The following CDH4 variants were observed in gnomAD, a reference collection of about 807,000 sequenced individuals.
The protein encoded by CDH4 is cadherin 4, also known as cadherin-4.
A neutral mutation model predicts 86.0 loss-of-function variants in CDH4; 33 were observed. The observed-to-expected ratio is 0.38, with a 90% CI of 0.29 to 0.51. The LOEUF is 0.51. Ranked by LOEUF, CDH4 falls within the 20% of genes least tolerant of loss-of-function variation. The probability of loss-of-function intolerance (pLI) is 0.86; values close to 1 mark genes in which losing one functional copy is unlikely to be tolerated. For missense variants in CDH4, 1,114 were observed against 1,307.4 expected, an observed-to-expected ratio of 0.85 and a Z score of 2.28; for synonymous variants, 555 against 549.4, an observed-to-expected ratio of 1.01 and a Z score of -0.14.
intron 2 of CDH4, among the ~76,000 whole-genome samples, chr20:61,351,676 AC>A (rs1278079277): frequency 6.6e-6 from 1 of 152,106 alleles, no homozygotes; most frequent in Non-Finnish European, 1.5e-5. Flanking sequence ...CCTTTGTGTA[AC>A]AAACTAATCC....
intron 2 of CDH4, among the ~76,000 whole-genome samples, chr20:61,697,154 G>T (rs1392360601): frequency 6.6e-6 from 1 of 152,168 alleles, no homozygotes; most frequent in Non-Finnish European, 1.5e-5. Context: ...CAAACATTCG[G>T]ATGTGCGGAT....
At chr20:61,357,971 G>A (rs534131059) in intron 2 of CDH4, among the ~76,000 whole-genome samples, 32 of 152,190 alleles carry the variant, frequency 2.1e-4, no homozygotes, top group African/African-American at 7.2e-4. Context: ...AGGGCGTGGC[G>A]GGGAGAACGA....
chr20:61,447,750 C>T (rs7261827), intron 2 of CDH4, among the ~76,000 whole-genome samples: 3,021 of 151,150 alleles, frequency 0.02, 94 homozygotes, highest in African/African-American at 0.069. Context: ...ATGGCGAGGA[C>T]GAGAATGTCA....
chr20:61,352,504 C>T (rs186812673), intron 2 of CDH4, among the ~76,000 whole-genome samples: 2 of 152,180 alleles, frequency 1.3e-5, no homozygotes, highest in South Asian at 2.1e-4. Context: ...TGCCTGCCAG[C>T]GGGGTGTGAG....
At chr20:61,907,365 C>G (rs1385698861) in intron 8 of CDH4, among the ~76,000 whole-genome samples, 1 of 151,922 alleles carries the variant, frequency 6.6e-6, no homozygotes, top group Non-Finnish European at 1.5e-5. Flanking sequence ...GCCCAGGATC[C>G]CGTGTGGCCA....
At chr20:61,556,658 G>A (rs2086179757) in intron 2 of CDH4, among the ~76,000 whole-genome samples, 1 of 152,164 alleles carries the variant, frequency 6.6e-6, no homozygotes, top group Non-Finnish European at 1.5e-5. Flanking sequence ...TGCAACTTAT[G>A]CATCAAAATC....
intron 2 of CDH4, among the ~76,000 whole-genome samples, chr20:61,493,347 G>A (rs1048977511): frequency 6.6e-6 from 1 of 152,152 alleles, no homozygotes; most frequent in Non-Finnish European, 1.5e-5. Flanking sequence ...GGCTTCTCCT[G>A]GACAATGCCC....
At chr20:61,756,163 G>T (rs187150596) in intron 3 of CDH4, among the ~76,000 whole-genome samples, 66 of 152,312 alleles carry the variant, frequency 4.3e-4, no homozygotes, top group African/African-American at 1.5e-3. Context: ...TAGCGTGAAC[G>T]CACCCCCTGG....
chr20:61,373,590 A>T (rs536205668), intron 2 of CDH4, among the ~76,000 whole-genome samples: 123 of 152,274 alleles, frequency 8.1e-4, no homozygotes, highest in African/African-American at 2.8e-3. Context: ...TCCTTGCTGC[A>T]TCCACCCTCC....
At chr20:61,607,153 G>A (rs992831428) in intron 2 of CDH4, among the ~76,000 whole-genome samples, 1 of 152,122 alleles carries the variant, frequency 6.6e-6, no homozygotes, top group Non-Finnish European at 1.5e-5. Flanking sequence ...TATACAAGTT[G>A]GATGAAAAAA....
chr20:61,382,609 A>G (rs769168349), intron 2 of CDH4, among the ~76,000 whole-genome samples: 1 of 152,248 alleles, frequency 6.6e-6, no homozygotes, highest in Non-Finnish European at 1.5e-5. Context: ...GGAGACCAGA[A>G]GTCTGAAATG....
At chr20:61,271,882 G>A (rs149142124) in intron 2 of CDH4, among the ~76,000 whole-genome samples, 4 of 152,294 alleles carry the variant, frequency 2.6e-5, no homozygotes, top group African/African-American at 2.4e-5. Flanking sequence ...CTGGGACTCC[G>A]GGCTGACCCA....
intron 2 of CDH4, among the ~76,000 whole-genome samples, chr20:61,341,077 G>C (rs377221749): frequency 1.1e-3 from 162 of 152,312 alleles, no homozygotes; most frequent in African/African-American, 3.9e-3. Context: ...CTTCCCTGGA[G>C]AGACAGTCAC....
intron 2 of CDH4, among the ~76,000 whole-genome samples, chr20:61,690,713 C>G (rs2087643919): frequency 6.6e-6 from 1 of 152,170 alleles, no homozygotes; most frequent in Non-Finnish European, 1.5e-5. Flanking sequence ...CACCCCCCAC[C>G]CACCGACCAG....
chr20:61,741,918 AG>A (rs2088344149), intron 2 of CDH4, among the ~76,000 whole-genome samples: 1 of 152,020 alleles, frequency 6.6e-6, no homozygotes, highest in South Asian at 2.1e-4. Context: ...CAATTGCATT[AG>A]TTTTATTAGG....
intron 2 of CDH4, among the ~76,000 whole-genome samples, chr20:61,329,486 C>T (rs1298188935): frequency 7.7e-6 from 1 of 129,948 alleles, no homozygotes; most frequent in African/African-American, 2.7e-5. Flanking sequence ...GTGAGTGGCT[C>T]TTCTGCCCTT....
At chr20:61,495,097 T>C (rs1373481335) in intron 2 of CDH4, among the ~76,000 whole-genome samples, 1 of 152,250 alleles carries the variant, frequency 6.6e-6, no homozygotes, top group Non-Finnish European at 1.5e-5. Flanking sequence ...CCCAAACAGC[T>C]GTTTTAATAA....
intron 2 of CDH4, among the ~76,000 whole-genome samples, chr20:61,680,791 C>T (rs2087503895): frequency 6.6e-6 from 1 of 151,912 alleles, no homozygotes; most frequent in African/African-American, 2.4e-5. Context: ...ACAGCCTCAG[C>T]CAGTGCCCTG....
chr20:61,398,417 C>CG (rs1439315150), intron 2 of CDH4, among the ~76,000 whole-genome samples: 4 of 152,224 alleles, frequency 2.6e-5, no homozygotes, highest in African/African-American at 7.2e-5. Flanking sequence ...GCAGAATCAT[C>CG]GGATGTGTAT....
Sources: gnomAD v4.1 joint callset for allele counts (sites outside exome capture counted in the v4.1 genomes callset) on GRCh38, gnomAD v4.1.1 for gene constraint, MANE v1.5 for transcripts, NCBI Gene and HGNC (gene_info 2026-07-23, HGNC 2026-07-21) for gene names.